CHST9: variants seen among roughly 807,000 people sequenced by gnomAD.
CHST9 encodes GalNAc-4-sulfotransferase 2.
A neutral mutation model predicts 44.4 loss-of-function variants in CHST9; 41 were observed. That is an observed-to-expected ratio of 0.92 (90% CI 0.72 to 1.20). The LOEUF (loss-of-function observed/expected upper bound fraction) is 1.20, where lower values mean the gene tolerates loss of function less well. CHST9 is among the 50% of genes most tolerant of loss of function. The pLI is 0.00. For missense variants in CHST9, 504 were observed against 516.5 expected, an observed-to-expected ratio of 0.98 and a Z score of 0.23; for synonymous variants, 171 against 178.4, an observed-to-expected ratio of 0.96 and a Z score of 0.33.
chr18:26,957,460 C>A (rs1415364676), intron 4 of CHST9, among the ~76,000 whole-genome samples: 3 of 152,042 alleles, frequency 2.0e-5, no homozygotes, highest in African/African-American at 7.3e-5. Flanking sequence ...TGCTTTTTAT[C>A]CCCTACTGAG....
At chr18:27,010,683 C>T (rs1238930626) in intron 4 of CHST9, among the ~76,000 whole-genome samples, 1 of 152,152 alleles carries the variant, frequency 6.6e-6, no homozygotes, top group African/African-American at 2.4e-5. Context: ...GAGTTCCCAT[C>T]TCTCATCGTA....
chr18:27,021,109 G>A (rs1307749329), intron 4 of CHST9, among the ~76,000 whole-genome samples: 1 of 152,122 alleles, frequency 6.6e-6, no homozygotes, highest in Non-Finnish European at 1.5e-5. Context: ...TGCTAGGGAA[G>A]AATGAAAGTT....
At chr18:27,052,798 C>T (rs1175105680) in intron 2 of CHST9, among the ~76,000 whole-genome samples, 4 of 152,036 alleles carry the variant, frequency 2.6e-5, no homozygotes, top group East Asian at 1.9e-4. Flanking sequence ...TAGAAACCAT[C>T]GTCCTCAGCG....
chr18:26,955,459 T>A (rs1182334925), intron 4 of CHST9, among the ~76,000 whole-genome samples: 4 of 152,190 alleles, frequency 2.6e-5, no homozygotes, highest in Non-Finnish European at 4.4e-5. Context: ...AAATAGTTTT[T>A]TTGGGGCACA....
At chr18:26,994,164 A>G (rs760215773) in intron 4 of CHST9, among the ~76,000 whole-genome samples, 14 of 152,240 alleles carry the variant, frequency 9.2e-5, no homozygotes, top group Admixed American at 5.2e-4. Flanking sequence ...TCTGAGGTAC[A>G]AGGGGTTAGG....
At chr18:27,169,285 A>C (rs2058815165) in intron 1 of CHST9, among the ~76,000 whole-genome samples, 1 of 152,212 alleles carries the variant, frequency 6.6e-6, no homozygotes, top group Non-Finnish European at 1.5e-5. Context: ...CTGAATACAT[A>C]AATTTAGAAG....
chr18:27,017,740 C>T (rs1240323984), intron 4 of CHST9, among the ~76,000 whole-genome samples: 1 of 152,136 alleles, frequency 6.6e-6, no homozygotes, highest in Non-Finnish European at 1.5e-5. Flanking sequence ...ATTCTCAAAA[C>T]TTACTGGATT....
intron 4 of CHST9, among the ~76,000 whole-genome samples, chr18:26,984,838 G>A (rs1212851871): frequency 6.6e-6 from 1 of 151,764 alleles, no homozygotes; most frequent in Non-Finnish European, 1.5e-5. Context: ...AGATGAAAAA[G>A]TGAACAATGC....
intron 2 of CHST9, among the ~76,000 whole-genome samples, chr18:27,105,026 C>T (rs2058208510): frequency 6.6e-6 from 1 of 152,132 alleles, no homozygotes; most frequent in African/African-American, 2.4e-5. Flanking sequence ...TTATTAGCAT[C>T]TATTTTTTCA....
At chr18:27,068,187 C>T (rs2057802266) in intron 2 of CHST9, among the ~76,000 whole-genome samples, 1 of 151,972 alleles carries the variant, frequency 6.6e-6, no homozygotes, top group Non-Finnish European at 1.5e-5. Context: ...TATGATTGCT[C>T]CTCTGTCCTT....
intron 3 of CHST9, among the ~76,000 whole-genome samples, chr18:27,036,641 A>G (rs943592050): frequency 1.4e-4 from 22 of 152,216 alleles, no homozygotes; most frequent in Non-Finnish European, 7.3e-5. Context: ...AGACCAGTAT[A>G]TTCTAAATCT....
At chr18:26,972,577 T>G (rs2056563792) in intron 4 of CHST9, among the ~76,000 whole-genome samples, 2 of 151,910 alleles carry the variant, frequency 1.3e-5, no homozygotes, top group Non-Finnish European at 2.9e-5. Context: ...CGACAGAGTT[T>G]GGGGCATGAG....
Position 26,916,161 on chromosome 18 carries a change from G to T in CHST9, c.*98C>A. On this transcript the variant is annotated 3_prime_UTR_variant, in exon 6 of 6. Transcript: ENST00000618847. ...ACATTAAATCAAGACAACTGCACTT[G>T]GTTAAATTTCTGTCATACAGAGAAT... is the stretch of plus-strand genomic sequence containing the variant. 2 of 989,126 alleles carry T rather than the reference G, an allele frequency of 2.0e-6. No individual in the cohort carries two copies. The highest frequency in any genetic ancestry group is 3.0e-6 in the Non-Finnish European group (2 of 667,152). 61.3% of individuals were successfully genotyped at this position (989,126 alleles called of 1,614,324 possible).
chr18:26,959,138 G>GA (rs1260827362), intron 4 of CHST9, among the ~76,000 whole-genome samples: 2 of 152,140 alleles, frequency 1.3e-5, no homozygotes, highest in African/African-American at 2.4e-5. Flanking sequence ...ATGCAGCCAT[G>GA]AAAAAATGAA....
At chr18:27,018,866 T>C (rs1035603394) in intron 4 of CHST9, among the ~76,000 whole-genome samples, 1 of 152,160 alleles carries the variant, frequency 6.6e-6, no homozygotes, top group Non-Finnish European at 1.5e-5. Flanking sequence ...CTGCCAGATA[T>C]GGACACTTAT....
rs538919729 is a variant in CHST9 at position 27,116,443 on chromosome 18, T to A, written c.121+26246A>T. Among the ~76,000 whole-genome samples, 10 of 152,308 alleles carry A rather than the reference T, an allele frequency of 6.6e-5. No individual in the cohort carries two copies. In the South Asian group the frequency reaches 1.7e-3, roughly 25 times the overall value. ...ATTGACCATAAATATGAGGGTTGATTTCTGAGCTCTCAATTCCAATCCATT... is the reference window on the plus strand; with the variant it reads ...ATTGACCATAAATATGAGGGTTGATATCTGAGCTCTCAATTCCAATCCATT... On this transcript the variant is annotated intron_variant, in intron 2 of 5. Coordinates refer to ENST00000618847, the MANE Select transcript of CHST9 (RefSeq NM_031422.6).
chr18:26,919,458 G>A (rs1274559099), intron 5 of CHST9, among the ~76,000 whole-genome samples: 2 of 152,142 alleles, frequency 1.3e-5, no homozygotes, highest in Non-Finnish European at 2.9e-5. Context: ...CACATGCATG[G>A]AAAGTACTTA....
intron 4 of CHST9, among the ~76,000 whole-genome samples, chr18:26,980,894 C>T (rs2145190852): frequency 6.6e-6 from 1 of 152,264 alleles, no homozygotes; most frequent in East Asian, 1.9e-4. Context: ...TCCTAAATCC[C>T]AGTGCAGAAA....
At chr18:27,147,757 T>C in intron 1 of CHST9, 1 of 152,364 alleles carries the variant, frequency 6.6e-6, no homozygotes, top group Non-Finnish European at 1.5e-5. Context: ...CTCTACGTCT[T>C]TTCTCAGTGA....
Sources: allele counts gnomAD v4.1 joint callset (sites outside exome capture counted in the v4.1 genomes callset), GRCh38; gene constraint gnomAD v4.1.1; transcripts MANE v1.5; gene names NCBI Gene and HGNC (gene_info 2026-07-23, HGNC 2026-07-21).